The following CYRIB variants were observed in gnomAD, a reference collection of about 807,000 sequenced individuals.
CYRIB encodes the protein CYFIP related Rac1 interactor B, also known as CYFIP-related Rac1 interactor B.
In CYRIB, 8 loss-of-function variants were observed where a neutral mutation model predicts 44.2. That is an observed-to-expected ratio of 0.18 (90% CI 0.11 to 0.33). CYRIB has a LOEUF of 0.33. Among genes scored for constraint, CYRIB ranks in the 10% least tolerant of loss-of-function variants. The pLI is 1.00. For missense variants in CYRIB, 185 were observed against 382.8 expected (o/e 0.48, Z 4.31); for synonymous variants, 131 against 127.2 (o/e 1.03, Z -0.20).
At chr8:129,905,003 T>G (rs1171876446) in intron 1 of CYRIB, among the ~76,000 whole-genome samples, 1 of 152,134 alleles carries the variant, frequency 6.6e-6, no homozygotes, top group East Asian at 1.9e-4. Context: ...GAGCTCAATA[T>G]CCATGTAAAA....
chr8:129,879,606 G>A (rs2060214359), intron 2 of CYRIB, 135 bp from the exon 5 acceptor site: 1 of 660,372 alleles, frequency 1.5e-6, no homozygotes, highest in South Asian at 2.0e-5. Flanking sequence ...CCCAGACTGT[G>A]CTCTGGCAGA....
At chr8:129,909,392 A>T (rs1775977485) in intron 1 of CYRIB, among the ~76,000 whole-genome samples, 1 of 152,148 alleles carries the variant, frequency 6.6e-6, no homozygotes, top group South Asian at 2.1e-4. Context: ...AAGCTTTAAC[A>T]ATTTATTCTC....
intron 1 of CYRIB, among the ~76,000 whole-genome samples, chr8:129,920,192 C>T (rs755696963): frequency 6.6e-6 from 1 of 151,902 alleles, no homozygotes; most frequent in Admixed American, 6.6e-5. Context: ...GTAAGTCCAG[C>T]CTGTTAAATG....
intron 1 of CYRIB, among the ~76,000 whole-genome samples, chr8:129,933,335 A>G (rs1221316967): frequency 6.6e-6 from 1 of 152,138 alleles, no homozygotes; most frequent in Non-Finnish European, 1.5e-5. Flanking sequence ...CCCAAGATGG[A>G]CTGAAGGCCA....
upstream of CYRIB, among the ~76,000 whole-genome samples, chr8:129,942,741 A>C (rs2093808375): frequency 6.6e-6 from 1 of 152,204 alleles, no homozygotes; most frequent in African/African-American, 2.4e-5. Context: ...ACAATGTGCC[A>C]GGCACTGTAC....
intron 1 of CYRIB, among the ~76,000 whole-genome samples, chr8:130,001,541 T>C (rs1564755002): frequency 6.7e-6 from 1 of 148,182 alleles, no homozygotes; most frequent in Admixed American, 6.7e-5. Context: ...TTTTTTTTTT[T>C]TTTTTGAGAT....
intron 1 of CYRIB, among the ~76,000 whole-genome samples, chr8:129,914,844 C>T (rs2079886980): frequency 6.6e-6 from 1 of 152,176 alleles, no homozygotes; most frequent in African/African-American, 2.4e-5. Context: ...CCTGTATACA[C>T]AACTTTCACA....
intron 2 of CYRIB, among the ~76,000 whole-genome samples, chr8:129,884,201 T>A (rs906483610): frequency 6.6e-6 from 1 of 152,190 alleles, no homozygotes; most frequent in Non-Finnish European, 1.5e-5. Context: ...CTTTTAGCTG[T>A]TGAGTTGGAT....
rs1359122569 is a variant in CYRIB at position 130,006,607 on chromosome 8, C to CACACATATATATGTGTATAT, written c.-296+9762_-296+9763insATATACACATATATATGTGT. Among the ~76,000 whole-genome samples, 43 of 7,118 alleles carry CACACATATATATGTGTATAT rather than the reference C, an allele frequency of 6.0e-3. 3 individuals carry two copies. The highest frequency in any genetic ancestry group is 0.01 in the Non-Finnish European group (35 of 3,388). The allele number at this position is 7,118 out of a possible 152,430, so 4.7% of individuals were successfully genotyped here. On this transcript the variant is annotated intron_variant, in intron 1 of 14. Coordinates refer to the CYRIB transcript ENST00000401979. ...TAAAAACACAAATTATATATATATA[C>CACACATATATATGTGTATAT]ATATATATGTGTATATATATACATA...
At position 129,890,212 on chromosome 8, in the gene CYRIB, G is replaced by T. The variant is rs117993915; in HGVS notation, c.-10-10741C>A. ...TCCAATTTTGAAAGTTATACTGTGGGTGAAATGTTACCCAACAGTATCATA... is the reference window on the plus strand; with the variant it reads ...TCCAATTTTGAAAGTTATACTGTGGTTGAAATGTTACCCAACAGTATCATA... On this transcript the variant is annotated intron_variant, in intron 2 of 11. Coordinates refer to ENST00000519824, the Ensembl canonical transcript of CYRIB. 9.4e-3 allele frequency among the ~76,000 whole-genome samples: 1,427 copies of T among 152,286 alleles called. 10 individuals carry two copies. The highest frequency in any genetic ancestry group is 0.041 in the Middle Eastern group (12 of 294).
chr8:129,939,421 G>T (rs920838860), intron 1 of CYRIB, among the ~76,000 whole-genome samples: 8 of 151,714 alleles, frequency 5.3e-5, no homozygotes, highest in Admixed American at 3.9e-4. Flanking sequence ...CCGGGGCCGC[G>T]GGGCCACAGA....
At chr8:129,864,966 A>C in intron 4 of CYRIB, 1 of 222,312 alleles carries the variant, frequency 4.5e-6, no homozygotes, top group Admixed American at 5.3e-5. Flanking sequence ...TGAAAGAGCA[A>C]TGGCTTGGAT....
At chr8:129,892,919 A>C (rs2066103371) in intron 2 of CYRIB, among the ~76,000 whole-genome samples, 1 of 152,250 alleles carries the variant, frequency 6.6e-6, no homozygotes, top group Non-Finnish European at 1.5e-5. Flanking sequence ...AGGATTGGGC[A>C]ACTTTAAAAA....
chr8:129,900,685 G>T (rs2071138837), intron 2 of CYRIB, among the ~76,000 whole-genome samples: 1 of 151,998 alleles, frequency 6.6e-6, no homozygotes, highest in Admixed American at 6.5e-5. Flanking sequence ...GGTTTTGGGA[G>T]GGTGTTTTTT....
intron 1 of CYRIB, among the ~76,000 whole-genome samples, chr8:129,921,919 T>A (rs2137176824): frequency 6.6e-6 from 1 of 152,222 alleles, no homozygotes; most frequent in African/African-American, 2.4e-5. Context: ...GAGCCACCAA[T>A]CTGAAGATGT....
In CYRIB at chr8:129,964,411, T is replaced by C. The variant is rs184310378; in HGVS notation, c.-243+6532A>G. 2.1e-4 allele frequency among the ~76,000 whole-genome samples: 32 copies of C among 152,200 alleles called. No individual in the cohort carries two copies. In the East Asian group the frequency reaches 6.0e-3, roughly 28 times the overall value. ...TACTTCCATGTGGACTCAAGAGAGG[T>C]GCCAGGGACTAGTGTCAGGAGAGAC... On this transcript the variant is annotated intron_variant, in intron 2 of 14. Transcript: ENST00000401979.
intron 1 of CYRIB, among the ~76,000 whole-genome samples, chr8:130,008,047 A>G (rs1411617710): frequency 6.6e-6 from 1 of 151,728 alleles, no homozygotes; most frequent in African/African-American, 2.4e-5. Flanking sequence ...CATCTCTACT[A>G]AAAGTACAAA....
At chr8:129,853,195 T>C (rs117714408) in intron 7 of CYRIB, among the ~76,000 whole-genome samples, 2,865 of 152,322 alleles carry the variant, frequency 0.019, 40 homozygotes, top group Middle Eastern at 0.048. Context: ...AGATGACTAA[T>C]GTCTTTAGCC....
chr8:129,959,026 T>C (rs953906693), intron 2 of CYRIB, among the ~76,000 whole-genome samples: 12 of 124,772 alleles, frequency 9.6e-5, no homozygotes, highest in Non-Finnish European at 1.7e-4. Flanking sequence ...ATCATGCCAC[T>C]GCACTCCAGC....
Sources: gnomAD v4.1 joint callset for allele counts (sites outside exome capture counted in the v4.1 genomes callset) on GRCh38, gnomAD v4.1.1 for gene constraint, MANE v1.5 for transcripts, NCBI Gene and HGNC (gene_info 2026-07-23, HGNC 2026-07-21) for gene names.